The following BAG4 variants were observed in gnomAD, a reference collection of about 807,000 sequenced individuals.
BAG4 encodes the protein BAG cochaperone 4, also known as BAG family molecular chaperone regulator 4.
A neutral mutation model predicts 52.1 loss-of-function variants in BAG4; 28 were observed. The observed-to-expected ratio is 0.54, with a 90% CI of 0.40 to 0.74. The LOEUF (loss-of-function observed/expected upper bound fraction) is 0.74, where lower values mean the gene tolerates loss of function less well. BAG4 is among the 30% of genes least tolerant of loss of function. The pLI is 0.00. For missense variants in BAG4, 525 were observed against 572.0 expected (o/e 0.92, Z 0.84); for synonymous variants, 208 against 217.0 (o/e 0.96, Z 0.37).
intron 1 of BAG4, among the ~76,000 whole-genome samples, chr8:38,182,301 A>C (rs1258577603): frequency 1.3e-5 from 2 of 152,214 alleles, no homozygotes; most frequent in African/African-American, 4.8e-5. Context: ...TGAAAAATAT[A>C]AGCAAATCTG....
chr8:38,179,772 A>G (rs938969496), intron 1 of BAG4, among the ~76,000 whole-genome samples: 20 of 152,102 alleles, frequency 1.3e-4, no homozygotes, highest in African/African-American at 4.6e-4. Context: ...ATCTCAAAAA[A>G]AAAAATAAAG....
chr8:38,188,056 AAAGG>A (rs1266841825), intron 1 of BAG4, among the ~76,000 whole-genome samples: 2 of 150,244 alleles, frequency 1.3e-5, no homozygotes, highest in African/African-American at 2.4e-5. Context: ...AAAAAAAAAA[AAAGG>A]AAGAAGAAGA....
rs139924948 is a variant in BAG4 at position 38,207,828 on chromosome 8, A to G, written c.633+62A>G. 138 of 1,576,472 alleles carry G rather than the reference A, an allele frequency of 8.8e-5. No homozygotes were observed. The African/African-American group carries it at 1.6e-3, about 18-fold the overall frequency. On this transcript the variant is annotated intron_variant, in intron 3 of 4. Transcript: ENST00000287322. ...AGTCTCTGCCTCTTGTAAACAGTGGAAGAGCATCTGTTCATACTAGTGCTG... is the reference window on the plus strand; with the variant it reads ...AGTCTCTGCCTCTTGTAAACAGTGGGAGAGCATCTGTTCATACTAGTGCTG...
At chr8:38,185,089 C>CAAA (rs1212526970) in intron 1 of BAG4, among the ~76,000 whole-genome samples, 1 of 101,476 alleles carries the variant, frequency 9.9e-6, no homozygotes, top group Non-Finnish European at 2.0e-5. Context: ...GACTCTGTCT[C>CAAA]AAAAAAAAAA....
chr8:38,188,405 AAT>A (rs1240250224), intron 1 of BAG4, among the ~76,000 whole-genome samples: 1 of 151,874 alleles, frequency 6.6e-6, no homozygotes, highest in Admixed American at 6.6e-5. Flanking sequence ...TGGAAAAAGA[AAT>A]ATAATGCAAT....
intron 1 of BAG4, among the ~76,000 whole-genome samples, chr8:38,188,656 TATAC>T (rs1220349800): frequency 1.3e-3 from 1 of 760 alleles, no homozygotes; most frequent in Admixed American, 0.012. Context: ...TGTATACATA[TATAC>T]ATGTATACAT....
chr8:38,177,335 C>A (rs1177228674), intron 1 of BAG4, among the ~76,000 whole-genome samples, 196 bp downstream of exon 1: 3 of 152,084 alleles, frequency 2.0e-5, no homozygotes, highest in African/African-American at 7.2e-5. Flanking sequence ...CTGCTTCGAC[C>A]CCAAAAAATA....
chr8:38,185,822 C>G (rs772540484), intron 1 of BAG4, among the ~76,000 whole-genome samples: 1 of 152,206 alleles, frequency 6.6e-6, no homozygotes, highest in African/African-American at 2.4e-5. Context: ...CTTGGCCTCC[C>G]AGAGTTCTGG....
At chr8:38,177,693 G>T (rs1272199849) in intron 1 of BAG4, among the ~76,000 whole-genome samples, 1 of 152,208 alleles carries the variant, frequency 6.6e-6, no homozygotes, top group Non-Finnish European at 1.5e-5. Flanking sequence ...TTTTCACGGC[G>T]ACTGCAAGGT....
intron 2 of BAG4, among the ~76,000 whole-genome samples, chr8:38,206,337 G>A (rs1803769435): frequency 6.6e-6 from 1 of 151,372 alleles, no homozygotes; most frequent in African/African-American, 2.4e-5. Flanking sequence ...TTACAGGCAT[G>A]AGCCTGTGCG....
rs1563286859 is a variant in BAG4, at chr8:38,211,224, T to TAC, written c.*732_*733dup. ...CTTCTTTTTTTTTTTTTTTTTTTTT[T>TAC]ACCACTTCTGCTGTTCATGGTAGTA... On this transcript the variant is annotated 3_prime_UTR_variant, in exon 5 of 5. Transcript: ENST00000287322. The TAC allele has an allele frequency of 1.8e-4, 27 of 148,766 alleles. No homozygotes were observed. In the East Asian group the frequency reaches 4.9e-3, roughly 27 times the overall value. The allele number at this position is 148,766 out of a possible 1,614,324, so 9.2% of individuals were successfully genotyped here.
intron 2 of BAG4, among the ~76,000 whole-genome samples, chr8:38,195,727 A>T (rs1803551537): frequency 6.6e-6 from 1 of 152,212 alleles, no homozygotes; most frequent in African/African-American, 2.4e-5. Flanking sequence ...TGAAATTGAG[A>T]AGTAGACATT....
chr8:38,208,887 T>C, intron 3 of BAG4, 126 bp from the exon 4 acceptor site: 1 of 1,167,180 alleles, frequency 8.6e-7, no homozygotes, highest in Admixed American at 2.9e-5. Context: ...TACTACAGTT[T>C]AGTCCGGTAG....
intron 1 of BAG4, among the ~76,000 whole-genome samples, chr8:38,191,673 T>C (rs945523229): frequency 6.6e-6 from 1 of 150,738 alleles, no homozygotes; most frequent in Non-Finnish European, 1.5e-5. Flanking sequence ...GGCAGGAAAA[T>C]TGCTTGAACT....
At chr8:38,179,023 A>G (rs1006929410) in intron 1 of BAG4, among the ~76,000 whole-genome samples, 1 of 152,342 alleles carries the variant, frequency 6.6e-6, no homozygotes, top group African/African-American at 2.4e-5. Context: ...ATCAGTGGTG[A>G]TGGTTGCACA....
In BAG4 at chr8:38,209,176, C is replaced by G. The variant is rs376249751; in HGVS notation, c.797C>G (p.Pro266Arg). Residue 266 changes from proline to arginine, a missense_variant, in exon 4 of 5, where the codon CCC becomes CGC. Physicochemically the swap from Pro to Arg is moderately radical, Grantham distance 103. Transcript: ENST00000287322. ...PWPSSAPSAP[P>R]GNLYMTESTS... ...CCTTCATCAGCGCCCTCAGCACCACCCGGCAATCTCTACATGACTGAAAGT... is the reference window on the plus strand; with the variant it reads ...CCTTCATCAGCGCCCTCAGCACCACGCGGCAATCTCTACATGACTGAAAGT... 14 of 1,614,124 alleles carry G rather than the reference C, an allele frequency of 8.7e-6. No homozygotes were observed. Among genetic ancestry groups the G allele is most frequent in the Non-Finnish European group, 1.2e-5 (14 of 1,180,026 alleles).
rs749569625 is a variant in BAG4, at chr8:38,176,967, C to A, written c.98C>A (p.Pro33His). The stretch of plus-strand genomic sequence containing the variant: ...GGTGGAGATGTGCCGGTACACCCAC[C>A]TCCACCCTTATATCCTCTTCGCCCT... ...PGGGDVPVHP[P>H]PPLYPLRPEP... The change falls in exon 1 of 5, where the codon CCT (proline) becomes CAT (histidine). Residue 33 changes from proline (P) to histidine (H), a missense_variant. By Grantham distance (77) the Pro-to-His change is moderately conservative. This residue lies in a region of BAG4 where 287 missense variants were observed against 266.1 expected (regional missense o/e 1.08). Transcript: ENST00000287322. The A allele has an allele frequency of 2.4e-5, 38 of 1,573,686 alleles. No individual in the cohort carries two copies. Among genetic ancestry groups the A allele is most frequent in the Admixed American group, 1.5e-4 (8 of 53,988 alleles).
intron 1 of BAG4, among the ~76,000 whole-genome samples, chr8:38,188,532 TATTA>T (rs1366553345): frequency 6.6e-6 from 1 of 151,680 alleles, no homozygotes; most frequent in Non-Finnish European, 1.5e-5. Flanking sequence ...GTACTACTTT[TATTA>T]ATTAAAAATT....
intron 3 of BAG4, 120 bp from the exon 4 acceptor site, chr8:38,208,893 G>A (rs909976671): frequency 2.6e-5 from 31 of 1,201,230 alleles, no homozygotes; most frequent in African/African-American, 7.7e-5. Flanking sequence ...AGTTTAGTCC[G>A]GTAGCAGCTA....
Sources: gnomAD v4.1 joint callset for allele counts (sites outside exome capture counted in the v4.1 genomes callset) on GRCh38, gnomAD v4.1.1 for gene constraint, gnomAD v4.1.1 regional missense constraint, MANE v1.5 for transcripts, NCBI Gene and HGNC (gene_info 2026-07-23, HGNC 2026-07-21) for gene names.